ABTB3: variants seen among roughly 807,000 people sequenced by gnomAD.
ABTB3 encodes the protein ankyrin repeat- and BTB/POZ domain-containing protein 3.
chr12:107,636,735 T>C, the ABTB3 span, among the ~76,000 whole-genome samples: 1 of 152,184 alleles, frequency 6.6e-6, no homozygotes, highest in African/African-American at 2.4e-5. Flanking sequence ...TTAATTAAAA[T>C]GTTATCAGGG....
the ABTB3 span, among the ~76,000 whole-genome samples, chr12:107,567,248 C>T: frequency 6.6e-6 from 1 of 152,234 alleles, no homozygotes; most frequent in African/African-American, 2.4e-5. Flanking sequence ...ATAAAAGTGT[C>T]GCCCTTGCGG....
the ABTB3 span, among the ~76,000 whole-genome samples, chr12:107,609,002 AAATAAAAT>A: frequency 2.2e-3 from 317 of 141,664 alleles, 11 homozygotes; most frequent in African/African-American, 8.8e-3. Context: ...AAATAAAATA[AAATAAAAT>A]AAAGACACAG....
At chr12:107,603,459 C>G in the ABTB3 span, among the ~76,000 whole-genome samples, 2 of 152,156 alleles carry the variant, frequency 1.3e-5, no homozygotes, top group African/African-American at 4.8e-5. Context: ...AGAATGAAGA[C>G]CACACAATGG....
At chr12:107,319,866 G>C in the ABTB3 span, 2 of 1,233,602 alleles carry the variant, frequency 1.6e-6, no homozygotes, top group African/African-American at 3.2e-5. Context: ...AGCGCCAGCG[G>C]GGGCAGCAGC....
chr12:107,584,727 C>T, the ABTB3 span, among the ~76,000 whole-genome samples: 1 of 152,200 alleles, frequency 6.6e-6, no homozygotes, highest in Non-Finnish European at 1.5e-5. Flanking sequence ...AGACCAGAGT[C>T]AAGGATTCCC....
At chr12:107,479,094 C>T in the ABTB3 span, among the ~76,000 whole-genome samples, 4 of 152,050 alleles carry the variant, frequency 2.6e-5, no homozygotes, top group Non-Finnish European at 4.4e-5. Context: ...TTACTTTGCC[C>T]AGGGAATGAC....
the ABTB3 span, among the ~76,000 whole-genome samples, chr12:107,577,273 C>T: frequency 3.3e-5 from 5 of 152,192 alleles, no homozygotes; most frequent in African/African-American, 1.2e-4. Context: ...TGCAAACCCA[C>T]CCCACTTTAC....
the ABTB3 span, among the ~76,000 whole-genome samples, chr12:107,452,139 A>G: frequency 6.6e-6 from 1 of 151,892 alleles, no homozygotes; most frequent in Non-Finnish European, 1.5e-5. Flanking sequence ...ACTGTGTTCA[A>G]TGCTAGGGAT....
chr12:107,550,254 T>G, the ABTB3 span, among the ~76,000 whole-genome samples: 1 of 152,140 alleles, frequency 6.6e-6, no homozygotes, highest in African/African-American at 2.4e-5. Flanking sequence ...GCACAGACAC[T>G]GGACCTCACA....
At chr12:107,337,192 G>A in the ABTB3 span, among the ~76,000 whole-genome samples, 2 of 152,238 alleles carry the variant, frequency 1.3e-5, no homozygotes. Context: ...TCTTCAGTCT[G>A]GGTATCAGAT....
the ABTB3 span, among the ~76,000 whole-genome samples, chr12:107,356,471 A>G: frequency 6.6e-6 from 1 of 152,164 alleles, no homozygotes. Flanking sequence ...TGATGCTGTG[A>G]CCACTATGGA....
chr12:107,348,215 G>A, the ABTB3 span, among the ~76,000 whole-genome samples: 1 of 151,946 alleles, frequency 6.6e-6, no homozygotes, highest in Non-Finnish European at 1.5e-5. Context: ...CTATGCATAT[G>A]TATGTATTTA....
chr12:107,568,257 T>C, the ABTB3 span, among the ~76,000 whole-genome samples: 26 of 152,330 alleles, frequency 1.7e-4, no homozygotes, highest in African/African-American at 6.3e-4. Context: ...AGGAATATTA[T>C]ACATATTTAA....
the ABTB3 span, among the ~76,000 whole-genome samples, chr12:107,529,127 G>C: frequency 6.6e-6 from 1 of 151,194 alleles, no homozygotes; most frequent in African/African-American, 2.4e-5. Flanking sequence ...TTATGATGGA[G>C]ATGATGGTGA....
the ABTB3 span, among the ~76,000 whole-genome samples, chr12:107,502,393 C>T: frequency 6.6e-6 from 1 of 151,852 alleles, no homozygotes; most frequent in Admixed American, 6.6e-5. Flanking sequence ...TTTAAAACTC[C>T]CCACGTTATT....
chr12:107,414,715 TC>T, the ABTB3 span, among the ~76,000 whole-genome samples: 42 of 150,418 alleles, frequency 2.8e-4, no homozygotes, highest in East Asian at 7.7e-3. Flanking sequence ...TCTTTTCTTT[TC>T]TTTTTCTTTT....
the ABTB3 span, chr12:107,581,158 C>G: frequency 6.5e-7 from 1 of 1,543,884 alleles, no homozygotes; most frequent in African/African-American, 1.4e-5. Flanking sequence ...GCAGGCCCTT[C>G]CTCGTGCTGC....
At chr12:107,353,808 A>T in the ABTB3 span, among the ~76,000 whole-genome samples, 1 of 152,126 alleles carries the variant, frequency 6.6e-6, no homozygotes, top group Admixed American at 6.6e-5. Context: ...CATGTGAGGG[A>T]TCTAGGCTGT....
chr12:107,335,577 C>T, the ABTB3 span, among the ~76,000 whole-genome samples: 18 of 152,194 alleles, frequency 1.2e-4, no homozygotes, highest in African/African-American at 1.7e-4. Flanking sequence ...TTTATATATA[C>T]TGGGATTTTG....
Sources: gnomAD v4.1 joint callset for allele counts (sites outside exome capture counted in the v4.1 genomes callset) on GRCh38, gnomAD v4.1.1 for gene constraint, MANE v1.5 for transcripts, NCBI Gene and HGNC (gene_info 2026-07-23, HGNC 2026-07-21) for gene names.